The following SH3RF3 variants were observed in gnomAD, a reference collection of about 807,000 sequenced individuals.
The protein encoded by SH3RF3 is SH3 domain containing ring finger 3.
In SH3RF3, 29 loss-of-function variants were observed where a neutral mutation model predicts 66.3. The observed-to-expected ratio is 0.44, with a 90% CI of 0.33 to 0.60. The LOEUF (loss-of-function observed/expected upper bound fraction) is 0.60. Among genes scored for constraint, SH3RF3 ranks in the 20% least tolerant of loss-of-function variants. SH3RF3 has a pLI of 0.04. For missense variants in SH3RF3, 1,194 were observed against 1,190.9 expected (o/e 1.00, Z -0.04); for synonymous variants, 583 against 532.0 (o/e 1.10, Z -1.32).
intron 3 of SH3RF3, among the ~76,000 whole-genome samples, chr2:109,380,727 TC>T (rs1006922812): frequency 2.0e-5 from 3 of 152,132 alleles, no homozygotes; most frequent in Non-Finnish European, 4.4e-5. Flanking sequence ...GTGCCATAGT[TC>T]CTGAGGTTTG....
At chr2:109,362,072 G>C (rs1321618983) in intron 2 of SH3RF3, among the ~76,000 whole-genome samples, 2 of 151,538 alleles carry the variant, frequency 1.3e-5, no homozygotes, top group African/African-American at 4.8e-5. Flanking sequence ...CAATTTCATT[G>C]ATTTCTTCTA....
intron 1 of SH3RF3, among the ~76,000 whole-genome samples, chr2:109,181,990 C>T (rs1279058000): frequency 1.3e-5 from 2 of 152,226 alleles, no homozygotes; most frequent in African/African-American, 4.8e-5. Context: ...GCTCATTGCT[C>T]AGGGGAGGAG....
chr2:109,341,334 C>T (rs1682549736), intron 1 of SH3RF3, among the ~76,000 whole-genome samples: 1 of 152,190 alleles, frequency 6.6e-6, no homozygotes, highest in Non-Finnish European at 1.5e-5. Flanking sequence ...AGATGGGATA[C>T]ACTCTGGTAA....
At chr2:109,455,592 A>G (rs1371473040) in intron 8 of SH3RF3, among the ~76,000 whole-genome samples, 1 of 152,232 alleles carries the variant, frequency 6.6e-6, no homozygotes, top group Non-Finnish European at 1.5e-5. Context: ...AACCCCAGGA[A>G]CATCCAATCT....
intron 2 of SH3RF3, among the ~76,000 whole-genome samples, chr2:109,349,048 G>T (rs1031016077): frequency 6.6e-6 from 1 of 151,768 alleles, no homozygotes; most frequent in Non-Finnish European, 1.5e-5. Context: ...ACACACACAC[G>T]CACAGAGTTG....
intron 8 of SH3RF3, among the ~76,000 whole-genome samples, chr2:109,480,358 A>T (rs748833398): frequency 2.6e-5 from 4 of 151,480 alleles, no homozygotes; most frequent in Non-Finnish European, 5.9e-5. Context: ...GGAGAACTGA[A>T]CAGAAGACAT....
intron 1 of SH3RF3, among the ~76,000 whole-genome samples, chr2:109,295,164 G>A (rs1202193970): frequency 6.6e-6 from 1 of 152,240 alleles, no homozygotes; most frequent in Non-Finnish European, 1.5e-5. Flanking sequence ...TGGCCTGCAG[G>A]TGCCTGCCCC....
In SH3RF3 at chr2:109,432,766, G is replaced by A. The variant is rs560079477; in HGVS notation, c.1574+95G>A. ...CTGCTGGAGGCTACTCTGTCAGCCGGGCCCAGAAGGCAGCAAGGCCACCAG... is the reference window on the plus strand; with the variant it reads ...CTGCTGGAGGCTACTCTGTCAGCCGAGCCCAGAAGGCAGCAAGGCCACCAG... On this transcript the variant is annotated intron_variant, in intron 6 of 9. Transcript: ENST00000309415. The A allele has an allele frequency of 6.0e-4, 879 of 1,458,376 alleles. 7 individuals are homozygous for A. The highest frequency in any genetic ancestry group is 4.6e-4 in the Middle Eastern group (2 of 4,384). The allele number at this position is 1,458,376 out of a possible 1,614,324, so 90.3% of individuals were successfully genotyped here.
At chr2:109,402,133 G>A (rs1164469628) in intron 4 of SH3RF3, among the ~76,000 whole-genome samples, 1 of 152,244 alleles carries the variant, frequency 6.6e-6, no homozygotes, top group East Asian at 1.9e-4. Flanking sequence ...CCAGTGTGCT[G>A]CTATGGTCTG....
At chr2:109,456,933 A>G (rs774018467) in intron 8 of SH3RF3, among the ~76,000 whole-genome samples, 3 of 152,256 alleles carry the variant, frequency 2.0e-5, no homozygotes, top group African/African-American at 7.2e-5. Context: ...GAAGGAGCAC[A>G]GTCATCTCAA....
intron 1 of SH3RF3, among the ~76,000 whole-genome samples, chr2:109,299,960 C>G (rs930576969): frequency 2.6e-5 from 4 of 152,186 alleles, no homozygotes; most frequent in Non-Finnish European, 5.9e-5. Context: ...AAGCTTTAAG[C>G]AGGGATTTGT....
intron 4 of SH3RF3, among the ~76,000 whole-genome samples, chr2:109,414,415 G>A (rs1032033549): frequency 2.0e-5 from 3 of 152,110 alleles, no homozygotes; most frequent in Non-Finnish European, 2.9e-5. Context: ...GTTTCATCTG[G>A]TTTTTCAGTT....
At chr2:109,252,622 G>A (rs949772898) in intron 1 of SH3RF3, among the ~76,000 whole-genome samples, 1 of 152,150 alleles carries the variant, frequency 6.6e-6, no homozygotes, top group African/African-American at 2.4e-5. Context: ...ATCAATAGTT[G>A]GAAGTATCAT....
At chr2:109,185,996 T>C (rs1574492505) in intron 1 of SH3RF3, among the ~76,000 whole-genome samples, 1 of 152,368 alleles carries the variant, frequency 6.6e-6, no homozygotes, top group Middle Eastern at 3.4e-3. Context: ...GCACATTTCA[T>C]ACCATTCTCT....
intron 1 of SH3RF3, among the ~76,000 whole-genome samples, chr2:109,202,310 C>G (rs746376870): frequency 6.6e-6 from 1 of 152,092 alleles, no homozygotes; most frequent in Non-Finnish European, 1.5e-5. Flanking sequence ...CGGAGGGGAG[C>G]GATGGATAAT....
rs115655027 is a variant in SH3RF3, at chr2:109,503,954, G to T, written c.*2283G>T. On this transcript the variant is annotated 3_prime_UTR_variant, in exon 10 of 10. Transcript: ENST00000309415. The stretch of plus-strand genomic sequence containing the variant: ...AGCTGGCCGCTTTCAGGGCAGAGTC[G>T]GGTGGGCGTTGGTGCCACCTTAGGA... 1 of 152,236 alleles carries T rather than the reference G, an allele frequency of 6.6e-6. No homozygotes were observed. Among genetic ancestry groups the T allele is most frequent in the Non-Finnish European group, 1.5e-5 (1 of 68,076 alleles). The allele number at this position is 152,236 out of a possible 1,614,324, so 9.4% of individuals were successfully genotyped here.
intron 8 of SH3RF3, among the ~76,000 whole-genome samples, chr2:109,485,090 T>C (rs551107111): frequency 6.6e-5 from 10 of 152,364 alleles, no homozygotes; most frequent in African/African-American, 2.4e-4. Context: ...TCATGGGTTA[T>C]CATGGCTAAC....
chr2:109,336,055 G>A (rs1387936392), intron 1 of SH3RF3, among the ~76,000 whole-genome samples: 2 of 152,266 alleles, frequency 1.3e-5, no homozygotes, highest in Non-Finnish European at 2.9e-5. Context: ...AGCGTAGAAG[G>A]CATTCCTCTC....
At chr2:109,337,952 G>A (rs1682463515) in intron 1 of SH3RF3, among the ~76,000 whole-genome samples, 1 of 151,968 alleles carries the variant, frequency 6.6e-6, no homozygotes, top group South Asian at 2.1e-4. Flanking sequence ...GGCTGGTCTG[G>A]AACTCCTGAG....
Sources: gnomAD v4.1 joint callset for allele counts (sites outside exome capture counted in the v4.1 genomes callset) on GRCh38, gnomAD v4.1.1 for gene constraint, MANE v1.5 for transcripts, NCBI Gene and HGNC (gene_info 2026-07-23, HGNC 2026-07-21) for gene names.